Variants in CDH19 observed in about 807,000 individuals in gnomAD.
CDH19 encodes the protein cadherin-19.
CDH19 carries 67 observed loss-of-function variants against 64.2 expected under a neutral mutation model. The observed-to-expected ratio is 1.04, with a 90% CI of 0.86 to 1.28. The LOEUF is 1.28. CDH19 is among the 50% of genes most tolerant of loss of function. The probability of loss-of-function intolerance (pLI) is 0.00; values close to 1 mark genes in which losing one functional copy is unlikely to be tolerated. For missense variants in CDH19, 1,030 were observed against 929.0 expected, an observed-to-expected ratio of 1.11 and a Z score of -1.41; for synonymous variants, 346 against 319.3, an observed-to-expected ratio of 1.08 and a Z score of -0.89.
At chr18:66,561,351 C>G (rs1326191578) in intron 3 of CDH19, among the ~76,000 whole-genome samples, 1 of 152,058 alleles carries the variant, frequency 6.6e-6, no homozygotes, top group African/African-American at 2.4e-5. Context: ...GTCACTCAAT[C>G]TACCTTAAAA....
Position 66,571,934 on chromosome 18 carries a change from C to T in CDH19, c.195+76G>A. ...TTCACTGTAAAAATGTGGAACTCATCAAATCTCCAAACTTCTCCAACATAT... is the reference window on the plus strand; with the variant it reads ...TTCACTGTAAAAATGTGGAACTCATTAAATCTCCAAACTTCTCCAACATAT... On this transcript the variant is annotated intron_variant, in intron 2 of 11. Coordinates refer to ENST00000262150, the MANE Select transcript of CDH19 (RefSeq NM_021153.4). 4 of 1,115,384 alleles carry T rather than the reference C, an allele frequency of 3.6e-6. No homozygotes were observed. The Admixed American group carries it at 9.1e-5, about 25-fold the overall frequency. 69.1% of individuals were successfully genotyped at this position (1,115,384 alleles called of 1,614,324 possible).
At chr18:66,532,761 T>C (rs1986505757) in intron 8 of CDH19, 1 of 450,906 alleles carries the variant, frequency 2.2e-6, no homozygotes, top group African/African-American at 2.0e-5. Flanking sequence ...GATCTTGTTC[T>C]AAGTTGTAGA....
chr18:66,519,980 T>C (rs772533702), intron 9 of CDH19, among the ~76,000 whole-genome samples: 2 of 152,028 alleles, frequency 1.3e-5, no homozygotes, highest in Non-Finnish European at 2.9e-5. Flanking sequence ...GGTCAGGAGA[T>C]GGAGACCATC....
intron 1 of CDH19, among the ~76,000 whole-genome samples, chr18:66,600,664 T>C (rs1222372157): frequency 6.6e-6 from 1 of 151,872 alleles, no homozygotes; most frequent in Non-Finnish European, 1.5e-5. Flanking sequence ...ATTCACATGG[T>C]CTTGAAATTA....
chr18:66,554,842 T>G (rs1340777111), intron 3 of CDH19, among the ~76,000 whole-genome samples: 1 of 151,954 alleles, frequency 6.6e-6, no homozygotes, highest in East Asian at 1.9e-4. Context: ...TCATAAACTT[T>G]TCCAAGGTGT....
Position 66,534,757 on chromosome 18 carries a change from C to A in CDH19, c.1336+229G>T, listed in dbSNP as rs543590228. The stretch of plus-strand genomic sequence containing the variant: ...TATTTTGTTGTTTCCTCAATTTATT[C>A]TTGTATGGAAAATTATTTACTGTTA... On this transcript the variant is annotated intron_variant, in intron 8 of 11. Transcript: ENST00000262150. 1.4e-4 allele frequency among the ~76,000 whole-genome samples: 21 copies of A among 151,790 alleles called. 1 individual carries two copies. In the South Asian group the frequency reaches 4.2e-3, roughly 30 times the overall value.
chr18:66,538,216 G>A (rs933698173), intron 7 of CDH19, among the ~76,000 whole-genome samples: 3 of 151,964 alleles, frequency 2.0e-5, no homozygotes, highest in Non-Finnish European at 4.4e-5. Context: ...TACTTAGGTT[G>A]TATTTTCCTA....
intron 1 of CDH19, among the ~76,000 whole-genome samples, chr18:66,590,134 C>A (rs1479490371): frequency 6.6e-6 from 1 of 151,742 alleles, no homozygotes; most frequent in East Asian, 1.9e-4. Context: ...AAAAGCTTGA[C>A]AAAACAGATA....
At chr18:66,597,570 T>A (rs1988933897) in intron 1 of CDH19, among the ~76,000 whole-genome samples, 1 of 152,026 alleles carries the variant, frequency 6.6e-6, no homozygotes, top group African/African-American at 2.4e-5. Context: ...ACTCCAAAAG[T>A]GATTGGAACA....
At chr18:66,550,821 A>T (rs1272827107) in intron 5 of CDH19, among the ~76,000 whole-genome samples, 1 of 152,114 alleles carries the variant, frequency 6.6e-6, no homozygotes, top group Non-Finnish European at 1.5e-5. Context: ...GAATCCTTTG[A>T]TCATAACCCA....
intron 7 of CDH19, among the ~76,000 whole-genome samples, chr18:66,541,497 A>C (rs1478142607): frequency 2.6e-5 from 4 of 152,164 alleles, no homozygotes; most frequent in Admixed American, 2.6e-4. Context: ...TAAATAAAGA[A>C]AACCAAAAAG....
chr18:66,521,738 T>C (rs1482577656), intron 9 of CDH19, among the ~76,000 whole-genome samples: 1 of 151,520 alleles, frequency 6.6e-6, no homozygotes, highest in Non-Finnish European at 1.5e-5. Flanking sequence ...AATTTCACAG[T>C]GTGAAAGTCC....
intron 1 of CDH19, among the ~76,000 whole-genome samples, chr18:66,588,403 C>T (rs1453235136): frequency 6.6e-6 from 1 of 151,874 alleles, no homozygotes; most frequent in Non-Finnish European, 1.5e-5. Context: ...GGACAATAAA[C>T]TATGCTGGGT....
chr18:66,548,264 T>A (rs886758421), intron 5 of CDH19, among the ~76,000 whole-genome samples: 35 of 136,748 alleles, frequency 2.6e-4, no homozygotes, highest in African/African-American at 1.0e-3. Context: ...TATATATATT[T>A]TTTTAAAAAT....
chr18:66,532,627 G>A, intron 8 of CDH19: 1 of 395,764 alleles, frequency 2.5e-6, no homozygotes, highest in Admixed American at 3.2e-5. Flanking sequence ...TTTCTTGGAA[G>A]CTTTAGGATC....
At chr18:66,554,160 T>A (rs1987433370) in intron 4 of CDH19, among the ~76,000 whole-genome samples, 1 of 151,988 alleles carries the variant, frequency 6.6e-6, no homozygotes, top group Admixed American at 6.6e-5. Flanking sequence ...CTAATTCATT[T>A]AAAAGAATCT....
Position 66,572,048 on chromosome 18 carries a change from G to A in CDH19, c.157C>T (p.Pro53Ser). 1.2e-6 allele frequency: 2 copies of A among 1,610,844 alleles called. No individual in the cohort carries two copies. Among genetic ancestry groups the A allele is most frequent in the Non-Finnish European group, 1.7e-6 (2 of 1,178,006 alleles). Residue 53 changes from proline to serine, a missense_variant, in exon 2 of 12, where the codon CCA becomes TCA. Pro to Ser is a moderately conservative substitution (Grantham distance 74). Coordinates refer to ENST00000262150, the MANE Select transcript of CDH19 (RefSeq NM_021153.4). Reference protein sequence around the residue: ...RGWVWNQFFVPEEMNTTSHHI... With the variant: ...RGWVWNQFFVSEEMNTTSHHI... ...TGACTAGTCGTATTCATTTCCTCTG[G>A]TACAAAAAATTGGTTCCACACCCAG...
chr18:66,532,489 T>TACACAC (rs34280650), intron 8 of CDH19: 3,394 of 146,706 alleles, frequency 0.023, 142 homozygotes, highest in African/African-American at 0.082. Context: ...AGAGCATTCA[T>TACACAC]ACACACACAC....
intron 5 of CDH19, among the ~76,000 whole-genome samples, chr18:66,547,393 G>A (rs1348717588): frequency 6.6e-6 from 1 of 152,016 alleles, no homozygotes; most frequent in Non-Finnish European, 1.5e-5. Context: ...CAAGAATATT[G>A]AAAGCCAGGA....
Sources: allele counts gnomAD v4.1 joint callset (sites outside exome capture counted in the v4.1 genomes callset), GRCh38; gene constraint gnomAD v4.1.1; transcripts MANE v1.5; gene names NCBI Gene and HGNC (gene_info 2026-07-23, HGNC 2026-07-21).